The following DNMBP variants were observed in gnomAD, a reference collection of about 807,000 sequenced individuals.
DNMBP encodes dynamin-binding protein.
A neutral mutation model predicts 150.0 loss-of-function variants in DNMBP; 87 were observed. That is an observed-to-expected ratio of 0.58 (90% CI 0.49 to 0.69). The LOEUF is 0.69. Ranked by LOEUF, DNMBP falls within the 30% of genes least tolerant of loss-of-function variation. The pLI, the probability that DNMBP is intolerant of heterozygous loss-of-function variation, is 0.00. For synonymous variants in DNMBP, 711 were observed against 750.4 expected, an observed-to-expected ratio of 0.95 and a Z score of 0.86; for missense variants, 1,774 against 1,949.0, an observed-to-expected ratio of 0.91 and a Z score of 1.69.
At chr10:99,921,864 G>GAAAA (rs34344466) in intron 4 of DNMBP, among the ~76,000 whole-genome samples, 3 of 23,746 alleles carry the variant, frequency 1.3e-4, no homozygotes, top group Non-Finnish European at 2.2e-4. Context: ...GATTCCATCT[G>GAAAA]AAAAAAAAAA....
rs750581334 is a variant in DNMBP, at chr10:99,955,356, A to G, written c.2118T>C (p.Asp706=). 3.1e-6 allele frequency: 5 copies of G among 1,614,108 alleles called. No homozygotes were observed. In the East Asian group the frequency reaches 8.9e-5, roughly 29 times the overall value. ...GCTCTTCTTGAGCTCTACTGTACATATCCAAGTCCCGCTCCATTTCCTCAA... is the reference window on the plus strand; with the variant it reads ...GCTCTTCTTGAGCTCTACTGTACATGTCCAAGTCCCGCTCCATTTCCTCAA... ...VRIEEMERDL[D]MYSRAQEELN... is the part of the protein sequence containing the mutation. Residue 706 remains aspartate, a synonymous_variant, in exon 4 of 17, where the codon GAT becomes GAC. Transcript: ENST00000324109.
At chr10:99,901,656 G>A (rs1419417883) in intron 6 of DNMBP, among the ~76,000 whole-genome samples, 2 of 151,946 alleles carry the variant, frequency 1.3e-5, no homozygotes, top group Non-Finnish European at 1.5e-5. Context: ...TCTTCCTCTT[G>A]CCCTTCTTTC....
At chr10:99,887,508 C>G (rs2039487825) in intron 12 of DNMBP, among the ~76,000 whole-genome samples, 2 of 151,970 alleles carry the variant, frequency 1.3e-5, no homozygotes, top group South Asian at 4.2e-4. Flanking sequence ...GCCTGGGTGA[C>G]AGAGTGAGAC....
At chr10:99,990,786 CACATATATACACACATATATACACAT>C (rs1457255426) in intron 1 of DNMBP, among the ~76,000 whole-genome samples, 172 of 67,216 alleles carry the variant, frequency 2.6e-3, no homozygotes, top group African/African-American at 9.6e-3. Flanking sequence ...CATATATACA[CACATATATACACACATATATACACAT>C]ATATATATAT....
In DNMBP at chr10:99,929,654, G is replaced by A. The variant is rs1589423600; in HGVS notation, c.2261-20508C>T. On this transcript the variant is annotated intron_variant, in intron 4 of 16. Transcript: ENST00000324109. ...GCACGAACTCTGAGCGCCTCAGGGT[G>A]CTGGGTGCTGTGCGGCGGAGGCAAC... 5 of 701,964 alleles carry A rather than the reference G, an allele frequency of 7.1e-6. No individual in the cohort carries two copies. In the East Asian group the frequency reaches 1.3e-4, roughly 19 times the overall value. The allele number at this position is 701,964 out of a possible 1,614,324, so 43.5% of individuals were successfully genotyped here. A position where few individuals can be genotyped will look rare whatever the true frequency, so the allele number is the denominator to read the frequency against.
At chr10:99,906,300 G>A (rs1312366205) in intron 6 of DNMBP, among the ~76,000 whole-genome samples, 2 of 152,114 alleles carry the variant, frequency 1.3e-5, no homozygotes, top group African/African-American at 4.8e-5. Context: ...TCTGATCAGG[G>A]AGCTCTGGAA....
At chr10:99,923,279 C>A (rs1451266512) in intron 4 of DNMBP, among the ~76,000 whole-genome samples, 1 of 152,124 alleles carries the variant, frequency 6.6e-6, no homozygotes, top group Non-Finnish European at 1.5e-5. Flanking sequence ...ATCTCAGCTA[C>A]TCGGGAGGCT....
At chr10:99,883,638 C>CAAAAAAAAAAAAAAAAAAAAAAAAAA (rs71009782) in intron 15 of DNMBP, among the ~76,000 whole-genome samples, 3 of 65,618 alleles carry the variant, frequency 4.6e-5, no homozygotes, top group African/African-American at 1.5e-4. Flanking sequence ...AAGACTGCCA[C>CAAAAAAAAAAAAAAAAAAAAAAAAAA]AAAAAAAAAA....
intron 1 of DNMBP, among the ~76,000 whole-genome samples, chr10:99,996,654 T>G (rs758824554): frequency 6.6e-6 from 1 of 152,238 alleles, no homozygotes. Context: ...ATAATAAATT[T>G]ATTGAATGTC....
In DNMBP at chr10:99,909,010, G is replaced by A. The variant is rs369783150; in HGVS notation, c.2397C>T (p.Tyr799=). The change falls in exon 5 of 17, where the codon TAC becomes TAT. Residue 799 remains tyrosine, a synonymous_variant. Transcript: ENST00000324109. ...IEELLQTERD[Y]IRDLEMCIER... ...CAATACACATTTCCAGATCCCGAAT[G>A]TAGTCTCTTTCTGTCTGAAGAAGTT... 1 of 1,614,092 alleles carries A rather than the reference G, an allele frequency of 6.2e-7. No homozygotes were observed. The highest frequency in any genetic ancestry group is 8.5e-7 in the Non-Finnish European group (1 of 1,180,064).
intron 4 of DNMBP, among the ~76,000 whole-genome samples, chr10:99,923,872 G>A (rs1371872954): frequency 1.3e-5 from 2 of 151,314 alleles, no homozygotes; most frequent in African/African-American, 2.4e-5. Flanking sequence ...CTGGTCTTTC[G>A]GCTGGGCATA....
chr10:99,986,846 G>C (rs1290243458), intron 1 of DNMBP, among the ~76,000 whole-genome samples: 1 of 152,060 alleles, frequency 6.6e-6, no homozygotes, highest in Non-Finnish European at 1.5e-5. Context: ...CAGTGGGAAG[G>C]TTCACTTCAT....
chr10:99,992,333 C>A (rs1479389590), intron 1 of DNMBP, among the ~76,000 whole-genome samples: 3 of 152,034 alleles, frequency 2.0e-5, no homozygotes, highest in African/African-American at 7.3e-5. Flanking sequence ...CTTATTACAG[C>A]AATTACTTAA....
intron 4 of DNMBP, among the ~76,000 whole-genome samples, chr10:99,951,341 C>G (rs2040420516): frequency 6.6e-6 from 1 of 152,140 alleles, no homozygotes; most frequent in South Asian, 2.1e-4. Flanking sequence ...GGGTCAGAGC[C>G]TCTACACAGA....
At chr10:99,954,899 A>T (rs1365796689) in intron 4 of DNMBP, among the ~76,000 whole-genome samples, 1 of 151,112 alleles carries the variant, frequency 6.6e-6, no homozygotes, top group Non-Finnish European at 1.5e-5. Context: ...AAAATACAAA[A>T]ATTAGCCAGG....
intron 12 of DNMBP, among the ~76,000 whole-genome samples, chr10:99,887,175 G>A (rs1476627100): frequency 6.6e-6 from 1 of 151,034 alleles, no homozygotes; most frequent in Non-Finnish European, 1.5e-5. Context: ...TGCAGCCTCA[G>A]CCTCCCAAGA....
chr10:99,955,259 C>T lies in DNMBP; in HGVS notation c.2215G>A (p.Glu739Lys), dbSNP rs780546756. 2.5e-6 allele frequency: 4 copies of T among 1,613,940 alleles called. No individual in the cohort carries two copies. Among genetic ancestry groups the T allele is most frequent in the Non-Finnish European group, 3.4e-6 (4 of 1,180,002 alleles). Residue 739 changes from glutamate (E) to lysine (K), a missense_variant, in exon 4 of 17, where the codon GAA becomes AAA. Transcript: ENST00000324109. ...AETLEDLKFC[E>K]SNIESLNMEL... ...ATATTCAAACTTTCAATGTTACTTTCACAGAACTTGAGATCCTCGAGGGTC... is the reference window on the plus strand; with the variant it reads ...ATATTCAAACTTTCAATGTTACTTTTACAGAACTTGAGATCCTCGAGGGTC...
chr10:99,892,188 G>A, intron 11 of DNMBP, among the ~76,000 whole-genome samples: 1 of 145,422 alleles, frequency 6.9e-6, no homozygotes, highest in African/African-American at 2.6e-5. Flanking sequence ...TCAGCCCCCT[G>A]CCCGGCCAGC....
intron 9 of DNMBP, 71 bp from the exon 10 acceptor site, chr10:99,896,468 A>C (rs2039656877): frequency 6.7e-7 from 1 of 1,485,788 alleles, no homozygotes. Context: ...AAATGAGATG[A>C]ACACCCAAAC....
Sources: gnomAD v4.1 joint callset for allele counts (sites outside exome capture counted in the v4.1 genomes callset) on GRCh38, gnomAD v4.1.1 for gene constraint, MANE v1.5 for transcripts, NCBI Gene and HGNC (gene_info 2026-07-23, HGNC 2026-07-21) for gene names.